Variants in PHF8 observed in about 807,000 individuals in gnomAD.
PHF8 encodes the protein PHD finger protein 8.
Under a neutral mutation model 74.4 loss-of-function variants are expected in PHF8, and 9 were observed. The ratio of observed to expected loss-of-function variants is 0.12; its 90% CI spans 0.07 to 0.21. PHF8 has a LOEUF of 0.21. Ranked by LOEUF, PHF8 falls within the 10% of genes least tolerant of loss-of-function variation. The pLI, the probability that PHF8 is intolerant of heterozygous loss-of-function variation, is 1.00. For synonymous variants in PHF8, 311 were observed against 316.6 expected, an observed-to-expected ratio of 0.98 and a Z score of 0.19; for missense variants, 478 against 816.6, an observed-to-expected ratio of 0.59 and a Z score of 5.05.
At chrX:53,975,639 G>T (rs149540941) in intron 18 of PHF8, among the ~76,000 whole-genome samples, 3 of 112,012 alleles carry the variant, frequency 2.7e-5, no homozygotes, top group African/African-American at 9.7e-5. Context: ...GACAAATATC[G>T]CATGTTCTCA....
chrX:53,948,138 G>T (rs1395619630), intron 19 of PHF8, among the ~76,000 whole-genome samples: 2 of 111,838 alleles, frequency 1.8e-5, no homozygotes, highest in East Asian at 5.6e-4. Context: ...CCTGGGTTTT[G>T]GGAGGGAAAA....
upstream of PHF8, chrX:54,044,807 TC>T: frequency 1.0e-6 from 1 of 976,750 alleles, no homozygotes; most frequent in African/African-American, 1.9e-5. Flanking sequence ...ACTCGGTGAC[TC>T]CAAACTACAA....
At chrX:53,957,464 T>C (rs1370002378) in intron 19 of PHF8, among the ~76,000 whole-genome samples, 1 of 110,716 alleles carries the variant, frequency 9.0e-6, no homozygotes, top group Non-Finnish European at 1.9e-5. Flanking sequence ...GAGGTTGCAG[T>C]GAGCCAAGAT....
chrX:54,044,010 C>T lies in PHF8; in HGVS notation c.-341G>A. On this transcript the variant is annotated 5_prime_UTR_variant, in exon 1 of 22. Transcript: ENST00000338154. ...CGCGCGTCGAATTCTGGGATAGTCC[C>T]CGTACCGCCGGGAACCTCGCTCGCC... 2.6e-6 allele frequency: 2 copies of T among 755,097 alleles called. No homozygotes were observed. Among genetic ancestry groups the T allele is most frequent in the Non-Finnish European group, 3.1e-6 (2 of 639,439 alleles). 62.2% of individuals were successfully genotyped at this position (755,097 alleles called of 1,213,427 possible).
intron 19 of PHF8, among the ~76,000 whole-genome samples, chrX:53,957,195 A>C (rs1440161880): frequency 3.6e-5 from 4 of 109,659 alleles, no homozygotes; most frequent in African/African-American, 1.3e-4. Flanking sequence ...AAATACAAAA[A>C]AAAAAAAAAA....
intron 19 of PHF8, 96 bp from the exon 20 acceptor site, chrX:53,944,339 G>T: frequency 1.6e-6 from 1 of 611,845 alleles, no homozygotes; most frequent in South Asian, 2.6e-5. Flanking sequence ...TACTCTCATT[G>T]GTCTTCCTGC....
intron 8 of PHF8, among the ~76,000 whole-genome samples, chrX:54,009,704 G>T (rs1242534788): frequency 9.4e-6 from 1 of 105,869 alleles, no homozygotes; most frequent in African/African-American, 3.4e-5. Context: ...TTAGCCAGGC[G>T]TGGCAGCAGG....
At chrX:54,013,344 G>A (rs1363017183) in intron 7 of PHF8, among the ~76,000 whole-genome samples, 1 of 111,248 alleles carries the variant, frequency 9.0e-6, no homozygotes, top group Non-Finnish European at 1.9e-5. Context: ...GCAGTTAAAT[G>A]ACTATATACA....
chrX:54,038,674 A>G (rs1167010893), intron 2 of PHF8, among the ~76,000 whole-genome samples: 2 of 112,339 alleles, frequency 1.8e-5, no homozygotes, highest in African/African-American at 6.5e-5. Flanking sequence ...CTCTGGAATC[A>G]AATAATTCAA....
At chrX:54,035,038 CAAA>C (rs782697764) in intron 2 of PHF8, among the ~76,000 whole-genome samples, 1 of 109,865 alleles carries the variant, frequency 9.1e-6, no homozygotes, top group African/African-American at 3.3e-5. Flanking sequence ...AGATTATAAA[CAAA>C]AGAGCATTAA....
intron 18 of PHF8, among the ~76,000 whole-genome samples, chrX:53,968,779 G>T (rs1363289460): frequency 9.0e-6 from 1 of 111,284 alleles, no homozygotes; most frequent in South Asian, 3.7e-4. Context: ...GCGTGATGGC[G>T]GGCATCTGTA....
chrX:54,044,907 G>C (rs1170498981), upstream of PHF8: 4 of 1,149,513 alleles, frequency 3.5e-6, no homozygotes, highest in Non-Finnish European at 4.7e-6. Flanking sequence ...CCTTCGATAG[G>C]CTGGGCTCTT....
intron 18 of PHF8, among the ~76,000 whole-genome samples, chrX:53,974,000 C>A (rs1433084504): frequency 2.9e-4 from 32 of 111,351 alleles, no homozygotes; most frequent in Non-Finnish European, 9.4e-5. Flanking sequence ...TGGCTCACAC[C>A]TGTAATCTCA....
intron 6 of PHF8, 120 bp downstream of exon 6, chrX:54,016,474 AC>A (rs1489122964): frequency 9.8e-6 from 6 of 612,397 alleles, no homozygotes; most frequent in Non-Finnish European, 1.6e-5. Flanking sequence ...AGCCTGGGCG[AC>A]AGAGCAAGAC....
At chrX:53,939,339 T>C (rs1236285192) in intron 21 of PHF8, 93 bp from the exon 22 acceptor site, 1 of 694,762 alleles carries the variant, frequency 1.4e-6, no homozygotes, top group African/African-American at 2.1e-5. Flanking sequence ...CCCCTTCCTG[T>C]TTCTCTACCC....
At chrX:53,967,341 A>G (rs1557093213) in intron 18 of PHF8, among the ~76,000 whole-genome samples, 2 of 102,864 alleles carry the variant, frequency 1.9e-5, no homozygotes, top group Non-Finnish European at 4.0e-5. Context: ...CCGCCCGGCC[A>G]GCCGCCCCGT....
intron 2 of PHF8, among the ~76,000 whole-genome samples, chrX:54,037,731 A>AT (rs1485656683): frequency 1.8e-5 from 2 of 112,722 alleles, no homozygotes; most frequent in Non-Finnish European, 3.7e-5. Flanking sequence ...GAATAGTCCT[A>AT]TAACTACTAA....
intron 11 of PHF8, among the ~76,000 whole-genome samples, chrX:53,996,944 A>C (rs1173073606): frequency 1.8e-5 from 2 of 112,708 alleles, no homozygotes; most frequent in African/African-American, 6.4e-5. Flanking sequence ...GAAAAGAAAA[A>C]AGTTGATCAA....
Position 54,016,751 on chromosome X carries a change from T to G in PHF8, c.455-15A>C, listed in dbSNP as rs782121592. 20 of 1,188,456 alleles carry G rather than the reference T, an allele frequency of 1.7e-5. No individual in the cohort carries two copies. The highest frequency in any genetic ancestry group is 1.5e-4 in the Admixed American group (7 of 45,581). Reference sequence around the variant, plus strand: ...TTTGTCAGAACCTGGAGTAAAGAGATAGGTTCTGCACCAAGTAGTCTCAGG... The same window carrying G: ...TTTGTCAGAACCTGGAGTAAAGAGAGAGGTTCTGCACCAAGTAGTCTCAGG... On this transcript the variant is annotated splice_polypyrimidine_tract_variant and intron_variant, in intron 5 of 21. Transcript: ENST00000338154.
Sources: gnomAD v4.1 joint callset for allele counts (sites outside exome capture counted in the v4.1 genomes callset) on GRCh38, gnomAD v4.1.1 for gene constraint, MANE v1.5 for transcripts, NCBI Gene and HGNC (gene_info 2026-07-23, HGNC 2026-07-21) for gene names.